Variants in LTBP1 observed in about 807,000 individuals in gnomAD.
LTBP1 encodes the protein latent transforming growth factor beta binding protein 1, also known as latent-transforming growth factor beta-binding protein 1.
Under a neutral mutation model 207.6 loss-of-function variants are expected in LTBP1, and 129 were observed. The observed-to-expected ratio is 0.62, with a 90% CI of 0.54 to 0.72. The LOEUF (loss-of-function observed/expected upper bound fraction) is 0.72. Among genes scored for constraint, LTBP1 ranks in the 30% least tolerant of loss-of-function variants. LTBP1 has a pLI of 0.00. For missense variants in LTBP1, 2,281 were observed against 2,217.2 expected (o/e 1.03, Z -0.58); for synonymous variants, 963 against 833.7 (o/e 1.16, Z -2.67).
At chr2:33,120,698 G>T (rs1278029707) in intron 4 of LTBP1, among the ~76,000 whole-genome samples, 1 of 152,018 alleles carries the variant, frequency 6.6e-6, no homozygotes, top group African/African-American at 2.4e-5. Context: ...TATTCCTCTG[G>T]GTATATATCC....
rs539197256 is a variant in LTBP1 at position 33,279,926 on chromosome 2, T to G, written c.2993-113T>G. 2.5e-4 allele frequency: 284 copies of G among 1,119,448 alleles called. 1 individual carries two copies. The African/African-American group carries it at 4.0e-3, about 16-fold the overall frequency. The allele number at this position is 1,119,448 out of a possible 1,614,324, so 69.3% of individuals were successfully genotyped here. A position where few individuals can be genotyped will look rare whatever the true frequency, so the allele number is the denominator to read the frequency against. ...TGTCTCACTTACCCAATTATTGTTT[T>G]TCCCACTGAAATGTAGATATAACAT... On this transcript the variant is annotated intron_variant, in intron 18 of 33. Coordinates refer to ENST00000404816, the MANE Select transcript of LTBP1 (RefSeq NM_206943.4).
chr2:33,034,165 T>C (rs1206814415), intron 3 of LTBP1, among the ~76,000 whole-genome samples: 2 of 150,906 alleles, frequency 1.3e-5, no homozygotes, highest in Non-Finnish European at 2.9e-5. Flanking sequence ...GAGGGAATGA[T>C]GGCATGGATA....
intron 3 of LTBP1, among the ~76,000 whole-genome samples, chr2:33,082,564 A>G (rs2078501188): frequency 6.7e-6 from 1 of 148,300 alleles, no homozygotes; most frequent in South Asian, 2.1e-4. Context: ...AGCTGGGACT[A>G]CAGGTGTCCA....
chr2:33,353,810 T>G (rs2094816117), intron 26 of LTBP1, among the ~76,000 whole-genome samples: 1 of 151,308 alleles, frequency 6.6e-6, no homozygotes. Context: ...TCAAATAGCA[T>G]CCCTGTTCCC....
chr2:32,949,913 A>T (rs1676844023), intron 2 of LTBP1, among the ~76,000 whole-genome samples: 1 of 152,250 alleles, frequency 6.6e-6, no homozygotes, highest in Non-Finnish European at 1.5e-5. Context: ...ACTTTTGTAA[A>T]AAGGGAAATG....
chr2:33,132,297 C>G (rs2081859599), intron 4 of LTBP1, among the ~76,000 whole-genome samples: 1 of 152,122 alleles, frequency 6.6e-6, no homozygotes, highest in South Asian at 2.1e-4. Context: ...TGAATTTTCT[C>G]TGCTGGTGAA....
At chr2:32,961,514 T>G (rs1286216626) in intron 2 of LTBP1, among the ~76,000 whole-genome samples, 1 of 152,064 alleles carries the variant, frequency 6.6e-6, no homozygotes, top group African/African-American at 2.4e-5. Flanking sequence ...AAGTTAAATA[T>G]TTTTGGAACA....
chr2:33,313,554 T>C (rs1005161971), intron 23 of LTBP1, among the ~76,000 whole-genome samples: 1 of 152,212 alleles, frequency 6.6e-6, no homozygotes, highest in African/African-American at 2.4e-5. Context: ...TGTGGGTTCC[T>C]GTACTGAAGA....
chr2:33,010,110 G>A (rs219182), intron 2 of LTBP1, among the ~76,000 whole-genome samples: 46,327 of 152,020 alleles, frequency 0.3, 8,126 homozygotes, highest in Non-Finnish European at 0.39. Flanking sequence ...AGCCATGGGG[G>A]GACATGGGGA....
intron 2 of LTBP1, among the ~76,000 whole-genome samples, chr2:32,958,263 A>T (rs899456280): frequency 6.6e-6 from 1 of 152,182 alleles, no homozygotes; most frequent in African/African-American, 2.4e-5. Flanking sequence ...ACGGGGCTGC[A>T]TTAGGTAATA....
intron 31 of LTBP1, among the ~76,000 whole-genome samples, chr2:33,383,644 G>A (rs1224095827): frequency 6.6e-6 from 1 of 152,016 alleles, no homozygotes; most frequent in African/African-American, 2.4e-5. Flanking sequence ...ACTGCAGCCT[G>A]GACTTATCTG....
At chr2:33,310,629 C>T (rs2094171516) in intron 23 of LTBP1, among the ~76,000 whole-genome samples, 1 of 152,156 alleles carries the variant, frequency 6.6e-6, no homozygotes, top group African/African-American at 2.4e-5. Flanking sequence ...CACTACTCTT[C>T]CCTACATTGC....
chr2:32,961,593 C>T (rs1454685630), intron 2 of LTBP1, among the ~76,000 whole-genome samples: 1 of 152,096 alleles, frequency 6.6e-6, no homozygotes, highest in Non-Finnish European at 1.5e-5. Flanking sequence ...TTGAATTAGT[C>T]ATTGACTCCG....
At chr2:32,986,446 C>T (rs188931546) in intron 2 of LTBP1, among the ~76,000 whole-genome samples, 77 of 152,248 alleles carry the variant, frequency 5.1e-4, no homozygotes, top group Middle Eastern at 6.8e-3. Context: ...AACTGGGAAT[C>T]CTAAGGTTTA....
intron 22 of LTBP1, among the ~76,000 whole-genome samples, chr2:33,303,736 C>T (rs1363157693): frequency 1.3e-5 from 2 of 152,120 alleles, no homozygotes; most frequent in African/African-American, 2.4e-5. Flanking sequence ...CTATGAGAAT[C>T]GAATCCAGCT....
rs910163476 is a variant in LTBP1, at chr2:33,150,448, A to G, written c.1201+15488A>G. ...AATTTATTATTTAAGCTGTTTTTAA[A>G]TGTATGTTTTAATGGCATTGAGTAT... On this transcript the variant is annotated intron_variant, in intron 5 of 33. Transcript: ENST00000404816. Among the ~76,000 whole-genome samples the G allele has an allele frequency of 5.3e-5, 8 of 152,088 alleles. No homozygotes were observed. The South Asian group carries it at 1.7e-3, about 32-fold the overall frequency.
chr2:33,107,234 A>T (rs1047716934), intron 3 of LTBP1, among the ~76,000 whole-genome samples: 1 of 152,236 alleles, frequency 6.6e-6, no homozygotes, highest in African/African-American at 2.4e-5. Flanking sequence ...ACACAGACAT[A>T]TATGTAGATA....
At chr2:33,101,720 G>C (rs536411981) in intron 3 of LTBP1, among the ~76,000 whole-genome samples, 6 of 152,142 alleles carry the variant, frequency 3.9e-5, no homozygotes, top group Non-Finnish European at 8.8e-5. Context: ...TGTTAGTTTA[G>C]ATAAATAGGA....
chr2:33,156,685 A>T (rs1207797509), intron 5 of LTBP1, among the ~76,000 whole-genome samples: 4 of 152,072 alleles, frequency 2.6e-5, no homozygotes, highest in Non-Finnish European at 5.9e-5. Context: ...CAACTATATA[A>T]CTATACAACT....
Sources: gnomAD v4.1 joint callset for allele counts (sites outside exome capture counted in the v4.1 genomes callset) on GRCh38, gnomAD v4.1.1 for gene constraint, MANE v1.5 for transcripts, NCBI Gene and HGNC (gene_info 2026-07-23, HGNC 2026-07-21) for gene names.